Variants in PLD1 observed in about 807,000 individuals in gnomAD.
The protein encoded by PLD1 is choline phosphatase 1.
In PLD1, 112 loss-of-function variants were observed where a neutral mutation model predicts 137.1. The observed-to-expected ratio is 0.82, with a 90% confidence interval of 0.70 to 0.96. PLD1 has a LOEUF of 0.96. Among genes scored for constraint, PLD1 ranks in the 40% least tolerant of loss-of-function variants. The pLI is 0.00. For synonymous variants in PLD1, 431 were observed against 454.7 expected, an observed-to-expected ratio of 0.95 and a Z score of 0.66; for missense variants, 1,321 against 1,342.0, an observed-to-expected ratio of 0.98 and a Z score of 0.24.
Position 171,612,503 on chromosome 3 carries a change from C to T in PLD1, c.2729-71G>A. The T allele has an allele frequency of 1.4e-6, 2 of 1,416,634 alleles. No homozygotes were observed. Among genetic ancestry groups the T allele is most frequent in the Non-Finnish European group, 2.0e-6 (2 of 1,008,466 alleles). 87.8% of individuals were successfully genotyped at this position (1,416,634 alleles called of 1,614,324 possible). Reference sequence around the variant, plus strand: ...GACACTGTTGGTTGCCCTCCCAACTCAATTCATCCTTGCAAACAAAACCGT... The same window carrying T: ...GACACTGTTGGTTGCCCTCCCAACTTAATTCATCCTTGCAAACAAAACCGT... On this transcript the variant is annotated intron_variant, in intron 24 of 26. Coordinates refer to ENST00000351298, the MANE Select transcript of PLD1 (RefSeq NM_002662.5). The surrounding 1 kb of genome is among the most constrained non-coding windows in gnomAD (Gnocchi z 4.1).
intron 19 of PLD1, among the ~76,000 whole-genome samples, chr3:171,672,939 G>A (rs1035981216): frequency 1.3e-5 from 2 of 152,182 alleles, no homozygotes; most frequent in African/African-American, 2.4e-5. Context: ...CATATGCAAC[G>A]CTATGCTAAA....
intron 12 of PLD1, among the ~76,000 whole-genome samples, chr3:171,693,596 T>C (rs998921216): frequency 5.9e-5 from 9 of 152,104 alleles, no homozygotes; most frequent in African/African-American, 2.2e-4. Flanking sequence ...TATTTTTGTA[T>C]AGTTTGCACC....
chr3:171,677,491 G>C lies in PLD1; in HGVS notation c.1996+75C>G, dbSNP rs1040507568. 4.3e-6 allele frequency: 6 copies of C among 1,392,398 alleles called. No homozygotes were observed. The African/African-American group carries it at 7.2e-5, about 17-fold the overall frequency. The allele number at this position is 1,392,398 out of a possible 1,614,324, so 86.3% of individuals were successfully genotyped here. ...GCAAAACAAAAGGCATTTAGATCAT[G>C]CACATGTATACTTGCTGAGATGTTC... On this transcript the variant is annotated intron_variant, in intron 17 of 26. Transcript: ENST00000351298.
At chr3:171,684,614 G>A (rs1218397178) in intron 16 of PLD1, among the ~76,000 whole-genome samples, 1 of 152,142 alleles carries the variant, frequency 6.6e-6, no homozygotes, top group Non-Finnish European at 1.5e-5. Flanking sequence ...TTGTGTGTGT[G>A]AGAGAGGGTC....
intron 24 of PLD1, among the ~76,000 whole-genome samples, chr3:171,613,099 T>C (rs1329467245): frequency 6.6e-6 from 1 of 152,084 alleles, no homozygotes; most frequent in Non-Finnish European, 1.5e-5. Flanking sequence ...GAGCCTAGGA[T>C]TTCAAATTTG....
rs114379716 is a variant in PLD1, at chr3:171,734,840, A to G, written c.540+25T>C. The G allele has an allele frequency of 3.5e-3, 5,141 of 1,456,442 alleles. 21 individuals carry two copies. Among genetic ancestry groups the G allele is most frequent in the Non-Finnish European group, 3.8e-3 (3,961 of 1,037,782 alleles). The allele number at this position is 1,456,442 out of a possible 1,614,324, so 90.2% of individuals were successfully genotyped here. A position where few individuals can be genotyped will look rare whatever the true frequency, so the allele number is the denominator to read the frequency against. ...ACAGCACTGCAAAATTAGGTTTAAA[A>G]CCACAGAATAGTGAAGAAACTTACT... On this transcript the variant is annotated intron_variant, in intron 5 of 26. Transcript: ENST00000351298.
At chr3:171,636,538 C>T (rs1437459294) in intron 23 of PLD1, among the ~76,000 whole-genome samples, 2 of 151,746 alleles carry the variant, frequency 1.3e-5, no homozygotes, top group Non-Finnish European at 2.9e-5. Context: ...TATTTTAAAT[C>T]GAATTGTTTT....
intron 1 of PLD1, chr3:171,765,201 A>T (rs112694055): frequency 2.0e-5 from 3 of 152,290 alleles, no homozygotes; most frequent in African/African-American, 7.2e-5. Flanking sequence ...TAACTTGATG[A>T]TCTGTAAATT....
chr3:171,716,865 TA>T (rs1275548336), intron 8 of PLD1, among the ~76,000 whole-genome samples: 1 of 152,166 alleles, frequency 6.6e-6, no homozygotes, highest in East Asian at 1.9e-4. Context: ...CCAGGGTTTT[TA>T]TAGTTTTAGG....
intron 19 of PLD1, among the ~76,000 whole-genome samples, chr3:171,671,511 A>G (rs979885311): frequency 6.6e-6 from 1 of 152,166 alleles, no homozygotes; most frequent in Non-Finnish European, 1.5e-5. Context: ...GGACTTAATT[A>G]TATGTCAGAA....
chr3:171,662,329 G>A (rs1711582077), intron 19 of PLD1, among the ~76,000 whole-genome samples, 159 bp from the exon 20 acceptor site: 1 of 152,158 alleles, frequency 6.6e-6, no homozygotes, highest in South Asian at 2.1e-4. Context: ...GGTGGGGAAT[G>A]CTGCTAAGGA....
At chr3:171,617,663 AACTGGATTTGGTC>A (rs1294087404) in intron 24 of PLD1, among the ~76,000 whole-genome samples, 1 of 152,168 alleles carries the variant, frequency 6.6e-6, no homozygotes, top group Admixed American at 6.5e-5. Context: ...TAGGTAAGAA[AACTGGATTTGGTC>A]ACAGATTTCA....
In PLD1 at chr3:171,791,186, C is replaced by CTGTGAAATTGGCT. The variant is rs556628473; in HGVS notation, c.-32+19212_-32+19213insAGCCAATTTCACA. Among the ~76,000 whole-genome samples, 27 of 152,226 alleles carry CTGTGAAATTGGCT rather than the reference C, an allele frequency of 1.8e-4. No homozygotes were observed. In the East Asian group the frequency reaches 5.2e-3, roughly 29 times the overall value. ...TGGAATAGAATTTCATATGGCAAGC[C>CTGTGAAATTGGCT]TGTGGTTACATCCAAATCCACTTAT... is the stretch of plus-strand genomic sequence containing the variant. On this transcript the variant is annotated intron_variant, in intron 1 of 26. Coordinates refer to ENST00000351298, the MANE Select transcript of PLD1 (RefSeq NM_002662.5).
At chr3:171,652,748 G>T (rs1013815558) in intron 21 of PLD1, among the ~76,000 whole-genome samples, 14 of 136,392 alleles carry the variant, frequency 1.0e-4, no homozygotes, top group Non-Finnish European at 1.8e-4. Flanking sequence ...CCACAGGCAT[G>T]TACCAGCACA....
At chr3:171,766,854 G>GA (rs768896270) in intron 1 of PLD1, among the ~76,000 whole-genome samples, 41 of 151,960 alleles carry the variant, frequency 2.7e-4, no homozygotes, top group Non-Finnish European at 5.4e-4. Flanking sequence ...ATCTGTCTGG[G>GA]TTATCTTGTT....
At chr3:171,801,169 C>G (rs1157994588) in intron 1 of PLD1, among the ~76,000 whole-genome samples, 2 of 152,204 alleles carry the variant, frequency 1.3e-5, no homozygotes, top group East Asian at 3.8e-4. Context: ...GGGGCTGGAA[C>G]CACATTTTAG....
At chr3:171,683,988 G>T (rs933647028) in intron 16 of PLD1, among the ~76,000 whole-genome samples, 28 of 152,190 alleles carry the variant, frequency 1.8e-4, no homozygotes, top group African/African-American at 6.7e-4. Context: ...CGTTTAGGTT[G>T]TTCTCTCTCT....
chr3:171,656,329 C>A (rs1275939099), intron 21 of PLD1, among the ~76,000 whole-genome samples: 1 of 152,052 alleles, frequency 6.6e-6, no homozygotes, highest in Non-Finnish European at 1.5e-5. Flanking sequence ...CACCACCAAG[C>A]CCAGCTAATT....
intron 25 of PLD1, among the ~76,000 whole-genome samples, chr3:171,610,944 T>C (rs908209022): frequency 6.6e-6 from 1 of 152,210 alleles, no homozygotes; most frequent in African/African-American, 2.4e-5. Flanking sequence ...GAGGCTTATG[T>C]TGGTCTTGGA....
Sources: allele counts gnomAD v4.1 joint callset (sites outside exome capture counted in the v4.1 genomes callset), GRCh38; gene constraint gnomAD v4.1.1; non-coding constraint Gnocchi (gnomAD v3.1); transcripts MANE v1.5; gene names NCBI Gene and HGNC (gene_info 2026-07-23, HGNC 2026-07-21).